Variants in OSBP observed in about 807,000 individuals in gnomAD.
The protein encoded by OSBP is oxysterol-binding protein 1.
In OSBP, 32 loss-of-function variants were observed where a neutral mutation model predicts 96.6. That is an observed-to-expected ratio of 0.33 (90% CI 0.25 to 0.45). The LOEUF (loss-of-function observed/expected upper bound fraction) is 0.45. Ranked by LOEUF, OSBP falls within the 20% of genes least tolerant of loss-of-function variation. OSBP has a pLI of 1.00. For missense variants in OSBP, 653 were observed against 1,029.7 expected (o/e 0.63, Z 5.01); for synonymous variants, 369 against 389.6 (o/e 0.95, Z 0.62).
At chr11:59,601,616 C>A in intron 4 of OSBP, 24 bp downstream of exon 4, 1 of 1,609,504 alleles carries the variant, frequency 6.2e-7, no homozygotes, top group African/African-American at 1.3e-5. Flanking sequence ...TTAGACCAGG[C>A]TACCTGAGAG....
chr11:59,582,639 T>C (rs571227095), intron 9 of OSBP, among the ~76,000 whole-genome samples: 48 of 152,356 alleles, frequency 3.2e-4, no homozygotes, highest in African/African-American at 1.1e-3. Flanking sequence ...CCTGAACTTA[T>C]AGCCAGTTAT....
intron 3 of OSBP, among the ~76,000 whole-genome samples, chr11:59,605,992 G>A (rs1045227817): frequency 6.6e-6 from 1 of 152,100 alleles, no homozygotes; most frequent in Non-Finnish European, 1.5e-5. Flanking sequence ...TTTCTTCATA[G>A]GAAGACTCTC....
intron 9 of OSBP, among the ~76,000 whole-genome samples, chr11:59,589,835 T>C (rs1860555299): frequency 6.6e-6 from 1 of 151,664 alleles, no homozygotes; most frequent in Non-Finnish European, 1.5e-5. Flanking sequence ...ATACAAAAAT[T>C]AGCTGGGTGC....
intron 9 of OSBP, 58 bp downstream of exon 9, chr11:59,593,546 C>T: frequency 1.3e-6 from 2 of 1,599,376 alleles, no homozygotes; most frequent in Non-Finnish European, 1.7e-6. Flanking sequence ...CCTCCTCCAT[C>T]GTGCCAGAAA....
At chr11:59,597,459 G>C (rs975603802) in intron 7 of OSBP, among the ~76,000 whole-genome samples, 2 of 152,088 alleles carry the variant, frequency 1.3e-5, no homozygotes, top group African/African-American at 2.4e-5. Flanking sequence ...CAGACAAGTG[G>C]GGTTTCTTTT....
chr11:59,583,634 G>GTTTTTTTTT lies in OSBP; in HGVS notation c.1679-2089_1679-2081dup, dbSNP rs764596509. On this transcript the variant is annotated intron_variant, in intron 9 of 13. Coordinates refer to ENST00000263847, the MANE Select transcript of OSBP (RefSeq NM_002556.3). ...CCACCTAAACATATTCTAAATCTCT[G>GTTTTTTTTT]TTTTTTTTTTTTTTTTTTTTTTTTT... is the stretch of plus-strand genomic sequence containing the variant. 4.7e-5 allele frequency among the ~76,000 whole-genome samples: 3 copies of GTTTTTTTTT among 64,310 alleles called. 1 individual carries two copies. Among genetic ancestry groups the GTTTTTTTTT allele is most frequent in the Non-Finnish European group, 3.1e-5 (1 of 32,744 alleles). The allele number at this position is 64,310 out of a possible 152,430, so 42.2% of individuals were successfully genotyped here.
chr11:59,589,621 T>A (rs1860552698), intron 9 of OSBP, among the ~76,000 whole-genome samples: 3 of 151,884 alleles, frequency 2.0e-5, no homozygotes, highest in African/African-American at 7.3e-5. Flanking sequence ...AATAAATAAA[T>A]AAAAATAAAT....
chr11:59,608,730 T>A lies in OSBP; in HGVS notation c.576A>T (p.Glu192Asp). Residue 192 changes from glutamate to aspartate, a missense_variant, in exon 3 of 14, where the codon GAA becomes GAT. This residue lies in a region of OSBP where 308 missense variants were observed against 573.1 expected (regional missense o/e 0.54). Coordinates refer to ENST00000263847, the MANE Select transcript of OSBP (RefSeq NM_002556.3). ...GTGAGACAGACTCTTCATCTCCTGA[T>A]TCATCTGTAGGAATGAAAAGAAAGG... ...KAVKMLAESD[E>D]SGDEESVSQT... 1 of 1,614,108 alleles carries A rather than the reference T, an allele frequency of 6.2e-7. No individual in the cohort carries two copies. The highest frequency in any genetic ancestry group is 1.1e-5 in the South Asian group (1 of 91,080).
Position 59,615,758 on chromosome 11 carries a change from C to G in OSBP, c.-94G>C. The stretch of plus-strand genomic sequence containing the variant: ...CCCACACGGCTACCGCATCAGCCAC[C>G]GCCGCGCAGCGTCCCCGCCCCGCCC... On this transcript the variant is annotated 5_prime_UTR_variant, in exon 1 of 14. Coordinates refer to ENST00000263847, the MANE Select transcript of OSBP (RefSeq NM_002556.3). The G allele has an allele frequency of 8.2e-7, 1 of 1,216,536 alleles. No homozygotes were observed. Among genetic ancestry groups the G allele is most frequent in the Non-Finnish European group, 1.0e-6 (1 of 976,042 alleles). The allele number at this position is 1,216,536 out of a possible 1,614,324, so 75.4% of individuals were successfully genotyped here. A position where few individuals can be genotyped will look rare whatever the true frequency, so the allele number is the denominator to read the frequency against.
At chr11:59,585,260 G>C (rs1219828036) in intron 9 of OSBP, among the ~76,000 whole-genome samples, 2 of 151,466 alleles carry the variant, frequency 1.3e-5, no homozygotes, top group Non-Finnish European at 2.9e-5. Context: ...CCCATCGTCT[G>C]AGATGTGGGG....
intron 11 of OSBP, among the ~76,000 whole-genome samples, chr11:59,578,579 A>G (rs1159300238): frequency 1.3e-5 from 2 of 152,194 alleles, no homozygotes; most frequent in Non-Finnish European, 2.9e-5. Flanking sequence ...CTACTTGAGT[A>G]GCTAGAACTA....
At chr11:59,606,678 AAAATT>A (rs1244456884) in intron 3 of OSBP, among the ~76,000 whole-genome samples, 2 of 152,218 alleles carry the variant, frequency 1.3e-5, no homozygotes, top group African/African-American at 4.8e-5. Context: ...CCTTGAATCA[AAAATT>A]AAATTAATTT....
Position 59,615,350 on chromosome 11 carries a change from G to A in OSBP, c.315C>T (p.Tyr105=). ...TGCTCAGCACGAACCATCGCCGCTG[G>A]TAGCCTTTGATATAATTGGTCCATT... ...LFKWTNYIKG[Y]QRRWFVLSNG... Residue 105 remains tyrosine (Y), a synonymous_variant, in exon 1 of 14, where the codon TAC becomes TAT. Coordinates refer to ENST00000263847, the MANE Select transcript of OSBP (RefSeq NM_002556.3). 6.2e-7 allele frequency: 1 copy of A among 1,607,532 alleles called. No individual in the cohort carries two copies. Among genetic ancestry groups the A allele is most frequent in the Non-Finnish European group, 8.5e-7 (1 of 1,176,358 alleles).
In OSBP at chr11:59,590,629, C is replaced by T. The variant is rs533532538; in HGVS notation, c.1678+2975G>A. ...TCAATTATCAACATAAAAGTTTGAACGACTTTTCCCTAGATGCCTTACTTT... is the reference window on the plus strand; with the variant it reads ...TCAATTATCAACATAAAAGTTTGAATGACTTTTCCCTAGATGCCTTACTTT... On this transcript the variant is annotated intron_variant, in intron 9 of 13. Transcript: ENST00000263847. Among the ~76,000 whole-genome samples, 153 of 152,260 alleles carry T rather than the reference C, an allele frequency of 1.0e-3. 1 individual carries two copies. The highest frequency in any genetic ancestry group is 1.9e-3 in the Non-Finnish European group (131 of 68,004).
chr11:59,615,656 C>T lies in OSBP; in HGVS notation c.9G>A (p.Ala3=), dbSNP rs1860918817. 7.4e-7 allele frequency: 1 copy of T among 1,351,030 alleles called. No individual in the cohort carries two copies. The highest frequency in any genetic ancestry group is 9.5e-7 in the Non-Finnish European group (1 of 1,052,130). The allele number at this position is 1,351,030 out of a possible 1,614,324, so 83.7% of individuals were successfully genotyped here. The part of the protein sequence containing the change: MA[A]TELRGVVGPG... Reference sequence around the variant, plus strand: ...GCCCCACCACTCCTCTCAGCTCCGTCGCCGCCATGAGCCGCCGCCGCCTGG... The same window carrying T: ...GCCCCACCACTCCTCTCAGCTCCGTTGCCGCCATGAGCCGCCGCCGCCTGG... Residue 3 remains alanine, a synonymous_variant, in exon 1 of 14, where the codon GCG becomes GCA. Transcript: ENST00000263847.
chr11:59,576,722 A>G lies in OSBP; in HGVS notation c.2282-3T>C. 1 of 1,612,468 alleles carries G rather than the reference A, an allele frequency of 6.2e-7. No homozygotes were observed. On this transcript the variant is annotated splice_region_variant and splice_polypyrimidine_tract_variant and intron_variant, in intron 13 of 13. Transcript: ENST00000263847. ...CTTATAGGGATCATATGGTGTGCCT[A>G]AAAGGAAAAGAGAGGAAAGAAAAAA... is the stretch of plus-strand genomic sequence containing the variant.
chr11:59,601,405 A>G lies in OSBP; in HGVS notation c.1022-20T>C, dbSNP rs1424058979. 1.3e-6 allele frequency: 2 copies of G among 1,550,838 alleles called. No individual in the cohort carries two copies. Among genetic ancestry groups the G allele is most frequent in the Non-Finnish European group, 1.8e-6 (2 of 1,124,682 alleles). ...ACTGATCTACAAGAAGAAAAGCCCC[A>G]TTTGTTGACTTTGGTTATCTTTACC... is the stretch of plus-strand genomic sequence containing the variant. On this transcript the variant is annotated intron_variant, in intron 4 of 13. Transcript: ENST00000263847.
intron 7 of OSBP, chr11:59,594,978 T>C (rs1177049549): frequency 1.3e-5 from 2 of 154,938 alleles, no homozygotes; most frequent in African/African-American, 4.8e-5. Context: ...TGTTCATTCA[T>C]TCATTTATTC....
In OSBP at chr11:59,600,576, A is replaced by C; in HGVS notation, c.1231T>G (p.Tyr411Asp). 1 of 1,614,040 alleles carries C rather than the reference A, an allele frequency of 6.2e-7. No homozygotes were observed. The highest frequency in any genetic ancestry group is 8.5e-7 in the Non-Finnish European group (1 of 1,179,970). The stretch of plus-strand genomic sequence containing the variant: ...AAATTGAGGCTATAGTTTGGCTTGT[A>C]TGGTATTCTGGTTCTCTTTTCCTTT... The part of the protein sequence containing the change: ...TKKEKRTRIP[Y>D]KPNYSLNLWS... Residue 411 changes from tyrosine (Y) to aspartate (D), a missense_variant, in exon 7 of 14, where the codon TAC (tyrosine) becomes GAC (aspartate). Transcript: ENST00000263847.
Sources: gnomAD v4.1 joint callset for allele counts (sites outside exome capture counted in the v4.1 genomes callset) on GRCh38, gnomAD v4.1.1 for gene constraint, gnomAD v4.1.1 regional missense constraint, MANE v1.5 for transcripts, NCBI Gene and HGNC (gene_info 2026-07-23, HGNC 2026-07-21) for gene names.